The following NFIB variants were observed in gnomAD, a reference collection of about 807,000 sequenced individuals.
NFIB encodes the protein nuclear factor I B.
Under a neutral mutation model 61.5 loss-of-function variants are expected in NFIB, and 11 were observed. The ratio of observed to expected loss-of-function variants is 0.18; its 90% CI spans 0.11 to 0.30. The LOEUF (loss-of-function observed/expected upper bound fraction) is 0.30. NFIB is among the 10% of genes least tolerant of loss of function. The pLI is 1.00. For missense variants in NFIB, 471 were observed against 608.9 expected, an observed-to-expected ratio of 0.77 and a Z score of 2.38; for synonymous variants, 260 against 216.5, an observed-to-expected ratio of 1.20 and a Z score of -1.76.
chr9:14,166,036 C>A (rs140994486), intron 3 of NFIB, among the ~76,000 whole-genome samples: 24 of 152,244 alleles, frequency 1.6e-4, no homozygotes, highest in African/African-American at 5.1e-4. Context: ...AAAATGCAGT[C>A]TAAAATTTTG....
Position 14,082,811 on chromosome 9 carries a change from AAG to A in NFIB, c.*5496_*5497del, listed in dbSNP as rs1232732016. Reference sequence around the variant, plus strand: ...AAAAAAAAAGACTTCCTTCTGCATAAAGAGATATATTTGCCACATCAGTCCCT... The same window carrying A: ...AAAAAAAAAGACTTCCTTCTGCATAAAGATATATTTGCCACATCAGTCCCT... On this transcript the variant is annotated 3_prime_UTR_variant, in exon 11 of 11. Coordinates refer to ENST00000380953, the MANE Select transcript of NFIB (RefSeq NM_001190737.2). 4.9e-6 allele frequency: 1 copy of A among 204,932 alleles called. No individual in the cohort carries two copies. Among genetic ancestry groups the A allele is most frequent in the African/African-American group, 2.3e-5 (1 of 43,732 alleles). 12.7% of individuals were successfully genotyped at this position (204,932 alleles called of 1,614,324 possible). A position where few individuals can be genotyped will look rare whatever the true frequency, so the allele number is the denominator to read the frequency against.
chr9:14,168,280 A>G (rs1350361566), intron 3 of NFIB, among the ~76,000 whole-genome samples: 1 of 152,224 alleles, frequency 6.6e-6, no homozygotes, highest in Non-Finnish European at 1.5e-5. Flanking sequence ...TAGGTATACA[A>G]AAAAGAAGAA....
At chr9:14,312,454 T>C (rs1479654832) in intron 1 of NFIB, among the ~76,000 whole-genome samples, 1 of 152,236 alleles carries the variant, frequency 6.6e-6, no homozygotes, top group Non-Finnish European at 1.5e-5. Context: ...TGAAATAAGC[T>C]GCCCCATACC....
At chr9:14,376,955 T>G in intron 1 of NFIB, among the ~76,000 whole-genome samples, 2 of 152,340 alleles carry the variant, frequency 1.3e-5, no homozygotes, top group African/African-American at 4.8e-5. Context: ...CTAGTTTTTC[T>G]TCTCATTTGA....
At chr9:14,429,983 AAAAT>A in the NFIB span, among the ~76,000 whole-genome samples, 2 of 152,268 alleles carry the variant, frequency 1.3e-5, no homozygotes, top group African/African-American at 2.4e-5. Context: ...ACTTAATCAG[AAAAT>A]AAATGTTAAT....
At chr9:14,403,299 T>A (rs2061760035), upstream of NFIB, among the ~76,000 whole-genome samples, 1 of 152,140 alleles carries the variant, frequency 6.6e-6, no homozygotes, top group Non-Finnish European at 1.5e-5. Flanking sequence ...GACGATAGGT[T>A]TTTGCAGGCA....
At chr9:14,489,658 G>T in the NFIB span, among the ~76,000 whole-genome samples, 1 of 151,952 alleles carries the variant, frequency 6.6e-6, no homozygotes, top group Non-Finnish European at 1.5e-5. Flanking sequence ...AATTTTTTGT[G>T]TACATTTTCA....
the NFIB span, among the ~76,000 whole-genome samples, chr9:14,434,576 A>G: frequency 1.3e-5 from 2 of 152,210 alleles, no homozygotes; most frequent in African/African-American, 4.8e-5. Flanking sequence ...TTTCAAACTC[A>G]TTGATCCTTG....
chr9:14,147,386 A>G (rs1444654361), intron 5 of NFIB, among the ~76,000 whole-genome samples: 1 of 152,140 alleles, frequency 6.6e-6, no homozygotes, highest in Non-Finnish European at 1.5e-5. Context: ...GACGGTTGGA[A>G]GAGTAAAATG....
At chr9:14,172,904 G>C (rs760737678) in intron 3 of NFIB, among the ~76,000 whole-genome samples, 1 of 152,038 alleles carries the variant, frequency 6.6e-6, no homozygotes, top group Non-Finnish European at 1.5e-5. Flanking sequence ...CAAGTAGCTG[G>C]GACTACAGGC....
chr9:14,258,921 C>A (rs980115505), intron 2 of NFIB, among the ~76,000 whole-genome samples: 2 of 152,178 alleles, frequency 1.3e-5, no homozygotes, highest in Non-Finnish European at 2.9e-5. Context: ...TGCCTTCTTT[C>A]TAGGATCTGG....
At position 14,085,231 on chromosome 9, in the gene NFIB, T is replaced by C. The variant is rs752262816; in HGVS notation, c.*3078A>G. On this transcript the variant is annotated 3_prime_UTR_variant, in exon 11 of 11. Transcript: ENST00000380953. The stretch of plus-strand genomic sequence containing the variant: ...AAGCATTGTTCTAAAGTATTCATTA[T>C]TAAATGATATGCTGTGAGAACAATT... The C allele has an allele frequency of 2.2e-5, 5 of 228,078 alleles. No individual in the cohort carries two copies. Among genetic ancestry groups the C allele is most frequent in the Non-Finnish European group, 4.4e-5 (5 of 114,856 alleles). 14.1% of individuals were successfully genotyped at this position (228,078 alleles called of 1,614,324 possible). A position where few individuals can be genotyped will look rare whatever the true frequency, so the allele number is the denominator to read the frequency against.
At chr9:14,114,499 G>A (rs540401000) in intron 9 of NFIB, among the ~76,000 whole-genome samples, 3 of 152,148 alleles carry the variant, frequency 2.0e-5, no homozygotes, top group Non-Finnish European at 2.9e-5. Flanking sequence ...CTACAAGCTT[G>A]TTTATAGGAA....
chr9:14,449,170 T>C, the NFIB span, among the ~76,000 whole-genome samples: 2 of 152,368 alleles, frequency 1.3e-5, no homozygotes, highest in African/African-American at 2.4e-5. Context: ...TAATATTTAA[T>C]GGCATCAGAA....
chr9:14,278,762 C>T (rs541863543), intron 2 of NFIB, among the ~76,000 whole-genome samples: 5 of 152,244 alleles, frequency 3.3e-5, no homozygotes, highest in Admixed American at 3.3e-4. Flanking sequence ...AACTGAAAAA[C>T]GAACTGGGGG....
chr9:14,104,368 T>A (rs1474562402), intron 10 of NFIB, among the ~76,000 whole-genome samples: 1 of 152,012 alleles, frequency 6.6e-6, no homozygotes, highest in Non-Finnish European at 1.5e-5. Context: ...TTAAAAGTTC[T>A]CAAAATGGGT....
chr9:14,387,925 G>A (rs2061567965), intron 1 of NFIB, among the ~76,000 whole-genome samples: 1 of 152,216 alleles, frequency 6.6e-6, no homozygotes, highest in Non-Finnish European at 1.5e-5. Context: ...CATTTAGGGG[G>A]CTGTGGTCAC....
upstream of NFIB, among the ~76,000 whole-genome samples, chr9:14,315,572 T>C (rs1484368365): frequency 2.1e-5 from 3 of 143,182 alleles, no homozygotes; most frequent in Non-Finnish European, 4.6e-5. Flanking sequence ...CGCGCGCCGC[T>C]GCAGCCCTCC....
At chr9:14,302,517 T>C (rs2059803023) in intron 2 of NFIB, among the ~76,000 whole-genome samples, 1 of 152,196 alleles carries the variant, frequency 6.6e-6, no homozygotes, top group Non-Finnish European at 1.5e-5. Flanking sequence ...TTTTTCAGGA[T>C]AGCAATGAGG....
Sources: gnomAD v4.1 joint callset for allele counts (sites outside exome capture counted in the v4.1 genomes callset) on GRCh38, gnomAD v4.1.1 for gene constraint, MANE v1.5 for transcripts, NCBI Gene and HGNC (gene_info 2026-07-23, HGNC 2026-07-21) for gene names.